PTPRG: variants seen among roughly 807,000 people sequenced by gnomAD.
The protein encoded by PTPRG is receptor-type tyrosine-protein phosphatase gamma.
PTPRG carries 102 observed loss-of-function variants against 165.3 expected under a neutral mutation model. That is an observed-to-expected ratio of 0.62 (90% CI 0.53 to 0.73). The LOEUF (loss-of-function observed/expected upper bound fraction) is 0.73, where lower values mean the gene tolerates loss of function less well. PTPRG is among the 30% of genes least tolerant of loss of function. The probability of loss-of-function intolerance (pLI) is 0.00; values close to 1 mark genes in which losing one functional copy is unlikely to be tolerated. For synonymous variants in PTPRG, 675 were observed against 669.5 expected (o/e 1.01, Z -0.13); for missense variants, 1,866 against 1,861.4 (o/e 1.00, Z -0.05).
chr3:61,568,388 G>A (rs1699974244), intron 1 of PTPRG, among the ~76,000 whole-genome samples: 1 of 152,158 alleles, frequency 6.6e-6, no homozygotes, highest in African/African-American at 2.4e-5. Flanking sequence ...GGATTGTTAG[G>A]TATAAGTGAT....
intron 3 of PTPRG, among the ~76,000 whole-genome samples, chr3:61,993,099 T>A (rs1159388565): frequency 6.6e-6 from 1 of 152,298 alleles, no homozygotes; most frequent in African/African-American, 2.4e-5. Flanking sequence ...CAGGCTAAAT[T>A]AGGGTGGGGT....
At chr3:62,269,837 T>C (rs1009886244) in intron 20 of PTPRG, among the ~76,000 whole-genome samples, 4 of 152,150 alleles carry the variant, frequency 2.6e-5, no homozygotes, top group African/African-American at 7.2e-5. Flanking sequence ...GTGGAAGGTA[T>C]GTTTCAAGAC....
At chr3:62,038,026 A>G (rs1181917808) in intron 4 of PTPRG, among the ~76,000 whole-genome samples, 1 of 152,196 alleles carries the variant, frequency 6.6e-6, no homozygotes, top group Non-Finnish European at 1.5e-5. Context: ...ATATGTTGGA[A>G]GGACATCCAG....
At chr3:62,212,397 C>T (rs1456382348) in intron 12 of PTPRG, among the ~76,000 whole-genome samples, 2 of 152,194 alleles carry the variant, frequency 1.3e-5, no homozygotes, top group Non-Finnish European at 2.9e-5. Context: ...AATAAAATCT[C>T]TTCAAAAATA....
intron 2 of PTPRG, among the ~76,000 whole-genome samples, chr3:61,920,983 A>G (rs1298434401): frequency 6.6e-6 from 1 of 152,164 alleles, no homozygotes; most frequent in African/African-American, 2.4e-5. Context: ...CTTTCATTGG[A>G]TACCAGAAAT....
intron 5 of PTPRG, among the ~76,000 whole-genome samples, chr3:62,094,572 C>T (rs950138429): frequency 2.0e-5 from 3 of 152,136 alleles, no homozygotes; most frequent in African/African-American, 7.2e-5. Flanking sequence ...CGGTTATTGC[C>T]ATGCAGCTCC....
chr3:62,147,174 C>A (rs1446878109), intron 6 of PTPRG, among the ~76,000 whole-genome samples: 1 of 152,162 alleles, frequency 6.6e-6, no homozygotes, highest in Admixed American at 6.5e-5. Context: ...ACAGCAGGGC[C>A]TGGCACCCAG....
chr3:61,663,164 A>T (rs1702713607), intron 1 of PTPRG, among the ~76,000 whole-genome samples: 1 of 152,128 alleles, frequency 6.6e-6, no homozygotes, highest in South Asian at 2.1e-4. Context: ...TCTCAAAATA[A>T]ATAAAAAATA....
At chr3:61,846,275 A>G (rs924518606) in intron 2 of PTPRG, among the ~76,000 whole-genome samples, 6 of 152,236 alleles carry the variant, frequency 3.9e-5, no homozygotes, top group Non-Finnish European at 5.9e-5. Context: ...ATTAATTCGT[A>G]CAATAGCAAT....
intron 4 of PTPRG, among the ~76,000 whole-genome samples, chr3:62,071,908 C>G (rs978864429): frequency 1.3e-5 from 2 of 152,056 alleles, no homozygotes; most frequent in African/African-American, 4.8e-5. Flanking sequence ...ACAGTAGGTA[C>G]TTACTAAAGG....
chr3:61,781,378 ATAATT>A (rs756618537), intron 2 of PTPRG, among the ~76,000 whole-genome samples: 2 of 152,224 alleles, frequency 1.3e-5, no homozygotes, highest in Non-Finnish European at 2.9e-5. Context: ...GAGAAAAAAC[ATAATT>A]TAAGTTTGAC....
chr3:62,116,714 A>G (rs1472979784), intron 5 of PTPRG, among the ~76,000 whole-genome samples: 1 of 152,184 alleles, frequency 6.6e-6, no homozygotes, highest in African/African-American at 2.4e-5. Context: ...GCATCTGACT[A>G]TATACTTAAC....
In PTPRG at chr3:62,233,314, T is replaced by A. The variant is rs1700948906; in HGVS notation, c.2375+2003T>A. ...GCTTCTTACGCTAGCCGCCCTGCTG[T>A]AATGTACAATTCCTCATTCTGGCCC... On this transcript the variant is annotated intron_variant, in intron 14 of 29. Coordinates refer to ENST00000474889, the MANE Select transcript of PTPRG (RefSeq NM_002841.4). This position sits in a 1 kb window ranked among gnomAD's most constrained non-coding sequence, Gnocchi z 4.7. 6.6e-6 allele frequency among the ~76,000 whole-genome samples: 1 copy of A among 152,174 alleles called. No individual in the cohort carries two copies. The highest frequency in any genetic ancestry group is 1.5e-5 in the Non-Finnish European group (1 of 68,022).
chr3:61,784,061 A>G (rs1324586231), intron 2 of PTPRG, among the ~76,000 whole-genome samples: 2 of 152,210 alleles, frequency 1.3e-5, no homozygotes, highest in Non-Finnish European at 2.9e-5. Flanking sequence ...ATATTAAAGA[A>G]GCTGAAAAAC....
chr3:61,772,833 A>G (rs1019819856), intron 2 of PTPRG, among the ~76,000 whole-genome samples: 6 of 152,208 alleles, frequency 3.9e-5, no homozygotes, highest in African/African-American at 1.4e-4. Flanking sequence ...GAGATGGTCA[A>G]AAATAGGGTT....
At chr3:62,281,859 C>G in intron 27 of PTPRG, 150 bp downstream of exon 27, 1 of 764,464 alleles carries the variant, frequency 1.3e-6, no homozygotes, top group South Asian at 2.8e-5. Context: ...CGTTTTTCTT[C>G]CTTCAAATAT....
intron 6 of PTPRG, among the ~76,000 whole-genome samples, chr3:62,147,091 G>A (rs1704150327): frequency 6.6e-6 from 1 of 152,158 alleles, no homozygotes; most frequent in Admixed American, 6.5e-5. Context: ...ATGACCTTGG[G>A]TAAGTTCTCA....
At chr3:61,823,467 G>A (rs1388825037) in intron 2 of PTPRG, among the ~76,000 whole-genome samples, 3 of 151,838 alleles carry the variant, frequency 2.0e-5, no homozygotes, top group Admixed American at 6.6e-5. Flanking sequence ...GATTACAGGC[G>A]TGAGCCACCA....
intron 2 of PTPRG, among the ~76,000 whole-genome samples, chr3:61,962,360 G>A (rs917330932): frequency 1.3e-5 from 2 of 152,204 alleles, no homozygotes; most frequent in African/African-American, 4.8e-5. Flanking sequence ...TCACCTAGTT[G>A]TGAAATCTTT....
Sources: gnomAD v4.1 joint callset for allele counts (sites outside exome capture counted in the v4.1 genomes callset) on GRCh38, gnomAD v4.1.1 for gene constraint, Gnocchi (gnomAD v3.1) non-coding constraint, MANE v1.5 for transcripts, NCBI Gene and HGNC (gene_info 2026-07-23, HGNC 2026-07-21) for gene names.